LAMP5: variants seen among roughly 807,000 people sequenced by gnomAD.
The protein encoded by LAMP5 is lysosome-associated membrane glycoprotein 5.
In LAMP5, 36 loss-of-function variants were observed where a neutral mutation model predicts 30.2. The ratio of observed to expected loss-of-function variants is 1.19; its 90% confidence interval spans 0.91 to 1.57. The LOEUF (loss-of-function observed/expected upper bound fraction) is 1.57. Among genes scored for constraint, LAMP5 ranks in the 40% most tolerant of loss-of-function variants. The probability of loss-of-function intolerance (pLI) is 0.00; values close to 1 mark genes in which losing one functional copy is unlikely to be tolerated. For missense variants in LAMP5, 377 were observed against 354.9 expected, an observed-to-expected ratio of 1.06 and a Z score of -0.50; for synonymous variants, 149 against 134.6, an observed-to-expected ratio of 1.11 and a Z score of -0.74.
chr20:9,515,341 TG>T, intron 1 of LAMP5, 111 bp from the exon 2 acceptor site: 1 of 954,066 alleles, frequency 1.0e-6, no homozygotes, highest in Non-Finnish European at 1.6e-6. Context: ...GCACAGCTGC[TG>T]GCAGAGAACT....
intron 1 of LAMP5, 34 bp from the exon 2 acceptor site, chr20:9,515,419 C>T: frequency 6.3e-7 from 1 of 1,597,550 alleles, no homozygotes; most frequent in Middle Eastern, 1.7e-4. Context: ...GGGCTGAGCC[C>T]TGAACTGATG....
At chr20:9,515,778 ATGCCTTCTGTTCCCC>A (rs1285494003) in intron 2 of LAMP5, among the ~76,000 whole-genome samples, 153 bp downstream of exon 2, 8 of 152,138 alleles carry the variant, frequency 5.3e-5, no homozygotes, top group Non-Finnish European at 7.3e-5. Flanking sequence ...CCAGCTTGTA[ATGCCTTCTGTTCCCC>A]TGCCTGCTTT....
At chr20:9,521,038 G>C (rs540571362) in intron 5 of LAMP5, among the ~76,000 whole-genome samples, 1 of 152,166 alleles carries the variant, frequency 6.6e-6, no homozygotes, top group African/African-American at 2.4e-5. Flanking sequence ...GGCCCATGGA[G>C]CACTATAGAG....
intron 5 of LAMP5, among the ~76,000 whole-genome samples, chr20:9,521,221 A>T (rs2283637): frequency 6.6e-6 from 1 of 151,748 alleles, no homozygotes; most frequent in African/African-American, 2.4e-5. Flanking sequence ...TTGGAGAGGG[A>T]TTTATGTGTC....
chr20:9,529,712 G>A lies in LAMP5; in HGVS notation c.735G>A (p.Leu245=). 1 of 1,614,148 alleles carries A rather than the reference G, an allele frequency of 6.2e-7. No homozygotes were observed. Among genetic ancestry groups the A allele is most frequent in the South Asian group, 1.1e-5 (1 of 91,084 alleles). The part of the protein sequence containing the change: ...ETLPLILGLI[L]GLVIMVTLAI... The stretch of plus-strand genomic sequence containing the variant: ...TGCCCCTGATTTTGGGGCTCATCTT[G>A]GGCCTCGTCATCATGGTAACACTCG... The change falls in exon 6 of 6, where the codon TTG becomes TTA. Residue 245 remains leucine, a synonymous_variant. Transcript: ENST00000246070.
Position 9,529,904 on chromosome 20 carries a change from G to A in LAMP5, c.*84G>A, listed in dbSNP as rs374605001. 5.2e-6 allele frequency: 7 copies of A among 1,334,678 alleles called. No individual in the cohort carries two copies. Among genetic ancestry groups the A allele is most frequent in the South Asian group, 4.0e-5 (3 of 75,110 alleles). 82.7% of individuals were successfully genotyped at this position (1,334,678 alleles called of 1,614,324 possible). On this transcript the variant is annotated 3_prime_UTR_variant, in exon 6 of 6. Coordinates refer to ENST00000246070, the MANE Select transcript of LAMP5 (RefSeq NM_012261.4). Reference sequence around the variant, plus strand: ...AAAAGCACTTTTCCATCTTGTACACGAGATACACCAACATAGCTACAATCA... The same window carrying A: ...AAAAGCACTTTTCCATCTTGTACACAAGATACACCAACATAGCTACAATCA...
chr20:9,516,149 G>A lies in LAMP5; in HGVS notation c.369+18G>A, dbSNP rs1180202803. 3 of 1,579,172 alleles carry A rather than the reference G, an allele frequency of 1.9e-6. No individual in the cohort carries two copies. Among genetic ancestry groups the A allele is most frequent in the Non-Finnish European group, 2.6e-6 (3 of 1,163,184 alleles). On this transcript the variant is annotated intron_variant, in intron 3 of 5. Coordinates refer to ENST00000246070, the MANE Select transcript of LAMP5 (RefSeq NM_012261.4). ...TTGTAAAGGTAACTCCGAGCCCAGCGGGCAGAGGGGCCGCAGGCTCCGCGT... is the reference window on the plus strand; with the variant it reads ...TTGTAAAGGTAACTCCGAGCCCAGCAGGCAGAGGGGCCGCAGGCTCCGCGT...
rs2045138298 is a variant in LAMP5, at chr20:9,529,804, A to G, written c.827A>G (p.Tyr276Cys). ...CAGATCCCTCGGGACAGATCCCAGT[A>G]TAAGCACATGGGCTAGAGGCCGTTA... The part of the protein sequence containing the change: ...QVQIPRDRSQ[Y>C]KHMG The change falls in exon 6 of 6, where the codon TAT (tyrosine) becomes TGT (cysteine). Residue 276 changes from tyrosine to cysteine, a missense_variant. Physicochemically the swap from Tyr to Cys is radical, Grantham distance 194 (BLOSUM62 -2). Coordinates refer to ENST00000246070, the MANE Select transcript of LAMP5 (RefSeq NM_012261.4). 1 of 1,614,204 alleles carries G rather than the reference A, an allele frequency of 6.2e-7. No homozygotes were observed.
chr20:9,529,629 T>C lies in LAMP5; in HGVS notation c.665-13T>C. The C allele has an allele frequency of 6.2e-7, 1 of 1,610,670 alleles. No individual in the cohort carries two copies. Among genetic ancestry groups the C allele is most frequent in the Non-Finnish European group, 8.5e-7 (1 of 1,177,404 alleles). On this transcript the variant is annotated splice_polypyrimidine_tract_variant and intron_variant, in intron 5 of 5. Coordinates refer to ENST00000246070, the MANE Select transcript of LAMP5 (RefSeq NM_012261.4). ...TGACCAGAGCTCTCTGCTTTTCTTC[T>C]TTCCCATTGCAGAGCATAAATGCCC...
At chr20:9,516,726 G>T (rs1157064720) in intron 4 of LAMP5, among the ~76,000 whole-genome samples, 13 of 152,170 alleles carry the variant, frequency 8.5e-5, no homozygotes, top group Non-Finnish European at 1.8e-4. Flanking sequence ...CCGCATCCTG[G>T]TTTTGTTTCT....
At chr20:9,523,391 A>G (rs1309585792) in intron 5 of LAMP5, among the ~76,000 whole-genome samples, 4 of 152,108 alleles carry the variant, frequency 2.6e-5, no homozygotes, top group African/African-American at 7.2e-5. Context: ...GCCTATCCCA[A>G]TGCCATTCAT....
chr20:9,528,548 G>T (rs2045129500), intron 5 of LAMP5, among the ~76,000 whole-genome samples: 1 of 152,066 alleles, frequency 6.6e-6, no homozygotes, highest in Admixed American at 6.6e-5. Flanking sequence ...TAAATTCCCT[G>T]ACTTGATCAT....
intron 4 of LAMP5, 65 bp from the exon 5 acceptor site, chr20:9,517,975 G>A: frequency 6.8e-7 from 1 of 1,471,820 alleles, no homozygotes; most frequent in Non-Finnish European, 9.4e-7. Flanking sequence ...GCAATAGCCA[G>A]CTCTCTGGCA....
At chr20:9,517,785 G>A (rs879812598) in intron 4 of LAMP5, among the ~76,000 whole-genome samples, 3 of 152,068 alleles carry the variant, frequency 2.0e-5, no homozygotes, top group Non-Finnish European at 4.4e-5. Flanking sequence ...AACAAGGGTT[G>A]GGTTTTTAAG....
intron 5 of LAMP5, among the ~76,000 whole-genome samples, chr20:9,522,675 C>A (rs1314107492): frequency 6.6e-6 from 1 of 152,132 alleles, no homozygotes; most frequent in Admixed American, 6.5e-5. Context: ...CCAGTGTTTA[C>A]CCACCAAATG....
At position 9,515,055 on chromosome 20, in the gene LAMP5, G is replaced by T. The variant is rs370986953; in HGVS notation, c.64+139G>T. The stretch of plus-strand genomic sequence containing the variant: ...GGTGTTTTTTCTTTTTTTCTTTTAG[G>T]GGAGGAGGGAGGGCCTTCCTCGCCG... On this transcript the variant is annotated intron_variant, in intron 1 of 5. Transcript: ENST00000246070. 1.6e-4 allele frequency: 125 copies of T among 770,610 alleles called. 1 individual carries two copies. The East Asian group carries it at 3.0e-3, about 18-fold the overall frequency. The allele number at this position is 770,610 out of a possible 1,614,324, so 47.7% of individuals were successfully genotyped here.
intron 4 of LAMP5, among the ~76,000 whole-genome samples, chr20:9,517,269 G>A (rs182694729): frequency 6.6e-6 from 1 of 152,282 alleles, no homozygotes; most frequent in Non-Finnish European, 1.5e-5. Flanking sequence ...AAGAGCAATG[G>A]GAGGCAGACC....
At chr20:9,519,789 A>G (rs1032266720) in intron 5 of LAMP5, among the ~76,000 whole-genome samples, 30 of 152,164 alleles carry the variant, frequency 2.0e-4, no homozygotes, top group Non-Finnish European at 3.1e-4. Context: ...ATGACTTTCT[A>G]GTTTTTGCTG....
At chr20:9,520,965 A>G in intron 5 of LAMP5, among the ~76,000 whole-genome samples, 1 of 152,056 alleles carries the variant, frequency 6.6e-6, no homozygotes, top group Admixed American at 6.6e-5. Context: ...GAGTTGGTTC[A>G]CTTAGGTCTG....
Sources: gnomAD v4.1 joint callset for allele counts (sites outside exome capture counted in the v4.1 genomes callset) on GRCh38, gnomAD v4.1.1 for gene constraint, MANE v1.5 for transcripts, NCBI Gene and HGNC (gene_info 2026-07-23, HGNC 2026-07-21) for gene names.